Variants in SELENOI observed in about 807,000 individuals in gnomAD.
SELENOI encodes selenoprotein I, also known as ethanolaminephosphotransferase 1.
In SELENOI, 24 loss-of-function variants were observed where a neutral mutation model predicts 50.7. That is an observed-to-expected ratio of 0.47 (90% CI 0.34 to 0.67). The LOEUF is 0.67. Ranked by LOEUF, SELENOI falls within the 30% of genes least tolerant of loss-of-function variation. The pLI, the probability that SELENOI is intolerant of heterozygous loss-of-function variation, is 0.01. For missense variants in SELENOI, 352 were observed against 461.4 expected (o/e 0.76, Z 2.17); for synonymous variants, 155 against 170.2 (o/e 0.91, Z 0.70).
intron 6 of SELENOI, among the ~76,000 whole-genome samples, chr2:26,379,971 G>GT (rs971682861): frequency 2.6e-5 from 4 of 152,044 alleles, no homozygotes; most frequent in African/African-American, 9.7e-5. Context: ...TTAAGATTTT[G>GT]TTTTTTTGCA....
At chr2:26,371,715 G>A (rs950173407) in intron 4 of SELENOI, among the ~76,000 whole-genome samples, 76 of 152,384 alleles carry the variant, frequency 5.0e-4, no homozygotes, top group Admixed American at 4.9e-3. Flanking sequence ...ACGAAAACCA[G>A]TCAGGCGTGG....
At chr2:26,351,284 C>T (rs564042620) in intron 1 of SELENOI, among the ~76,000 whole-genome samples, 8 of 152,144 alleles carry the variant, frequency 5.3e-5, no homozygotes, top group East Asian at 1.9e-4. Flanking sequence ...TCTTGAACTT[C>T]GGACCTCAGG....
In SELENOI at chr2:26,346,201, CT is replaced by C; in HGVS notation, c.-31del. 1.9e-6 allele frequency: 3 copies of C among 1,613,534 alleles called. No homozygotes were observed. The highest frequency in any genetic ancestry group is 2.5e-6 in the Non-Finnish European group (3 of 1,179,646). ...GTCACAGCCTTGTAGCCGGGAGTCG[CT>C]GCCGAGTGGGCGCTCAGTTTTCGGG... is the stretch of plus-strand genomic sequence containing the variant. On this transcript the variant is annotated 5_prime_UTR_variant, in exon 1 of 10. Transcript: ENST00000260585.
In SELENOI at chr2:26,373,303, A is replaced by G. The variant is rs983136481; in HGVS notation, c.311-64A>G. On this transcript the variant is annotated intron_variant, in intron 4 of 9. Transcript: ENST00000260585. ...GTTTTGTTTTTTCCTCCAGTTTATT[A>G]AAGAAGACTTTCTCCATCCTGGTGC... is the stretch of plus-strand genomic sequence containing the variant. 58 of 1,524,366 alleles carry G rather than the reference A, an allele frequency of 3.8e-5. No individual in the cohort carries two copies. The African/African-American group carries it at 6.7e-4, about 18-fold the overall frequency. 94.4% of individuals were successfully genotyped at this position (1,524,366 alleles called of 1,614,324 possible). A position where few individuals can be genotyped will look rare whatever the true frequency, so the allele number is the denominator to read the frequency against.
chr2:26,353,021 C>T (rs1463982625), intron 1 of SELENOI, among the ~76,000 whole-genome samples: 1 of 152,096 alleles, frequency 6.6e-6, no homozygotes, highest in Non-Finnish European at 1.5e-5. Flanking sequence ...TGCTAGATCC[C>T]TGTGATCCTT....
Position 26,366,696 on chromosome 2 carries a change from T to C in SELENOI, c.236-450T>C, listed in dbSNP as rs115626421. On this transcript the variant is annotated intron_variant, in intron 3 of 9. Transcript: ENST00000260585. Reference sequence around the variant, plus strand: ...GATTCTGATGCCCAAATCATTCAGTTGAGGTGATCTATCTATACCCAAATC... The same window carrying C: ...GATTCTGATGCCCAAATCATTCAGTCGAGGTGATCTATCTATACCCAAATC... Among the ~76,000 whole-genome samples, 1,240 of 152,320 alleles carry C rather than the reference T, an allele frequency of 8.1e-3. 16 individuals are homozygous for C. The highest frequency in any genetic ancestry group is 0.028 in the African/African-American group (1,182 of 41,564).
At position 26,385,147 on chromosome 2, in the gene SELENOI, T is replaced by A. The variant is rs1677812832; in HGVS notation, c.912+8T>A. 4 of 1,466,308 alleles carry A rather than the reference T, an allele frequency of 2.7e-6. No homozygotes were observed. Among genetic ancestry groups the A allele is most frequent in the Non-Finnish European group, 3.6e-6 (4 of 1,102,350 alleles). 90.8% of individuals were successfully genotyped at this position (1,466,308 alleles called of 1,614,324 possible). ...GCTTTTGCCAACAGTACAGTAAGAT[T>A]TTTTTCTTTTAAAAATCATAATATA... On this transcript the variant is annotated splice_region_variant and intron_variant, in intron 8 of 9. Transcript: ENST00000260585.
At chr2:26,346,362 C>G (rs1676755793) in intron 1 of SELENOI, 73 bp downstream of exon 1, 2 of 1,495,110 alleles carry the variant, frequency 1.3e-6, no homozygotes, top group African/African-American at 2.8e-5. Context: ...CCGCGCGGCG[C>G]GGTCCGTGTC....
In SELENOI at chr2:26,367,193, A is replaced by T. The variant is rs941161481; in HGVS notation, c.283A>T (p.Ile95Phe). The T allele has an allele frequency of 2.5e-6, 4 of 1,610,786 alleles. No homozygotes were observed. The South Asian group carries it at 4.4e-5, about 18-fold the overall frequency. ...TGACTGGGTTTGGATTGTAGTGGGC[A>T]TCCTCAACTTCGTAGCCTACACTCT... is the stretch of plus-strand genomic sequence containing the variant. ...VPDWVWIVVG[I>F]LNFVAYTLDG... The change falls in exon 4 of 10, where the codon ATC (isoleucine) becomes TTC (phenylalanine). Residue 95 changes from isoleucine (I) to phenylalanine (F), a missense_variant. By Grantham distance (21) the Ile-to-Phe change is conservative. Transcript: ENST00000260585.
rs1330051719 is a variant in SELENOI at position 26,390,172 on chromosome 2, C to T, written c.*1069C>T. On this transcript the variant is annotated 3_prime_UTR_variant, in exon 10 of 10. Transcript: ENST00000260585. ...ATATATATGCCTTACTGAGTACATGCCCCCTTTAATGTTAACATGACTTGG... is the reference window on the plus strand; with the variant it reads ...ATATATATGCCTTACTGAGTACATGTCCCCTTTAATGTTAACATGACTTGG... 7 of 150,796 alleles carry T rather than the reference C, an allele frequency of 4.6e-5. No individual in the cohort carries two copies. Among genetic ancestry groups the T allele is most frequent in the African/African-American group, 1.5e-4 (6 of 40,668 alleles). 9.3% of individuals were successfully genotyped at this position (150,796 alleles called of 1,614,324 possible). A position where few individuals can be genotyped will look rare whatever the true frequency, so the allele number is the denominator to read the frequency against.
At chr2:26,387,297 T>C (rs568669166) in intron 9 of SELENOI, among the ~76,000 whole-genome samples, 137 of 152,308 alleles carry the variant, frequency 9.0e-4, no homozygotes, top group African/African-American at 3.1e-3. Flanking sequence ...ATTTTTAACA[T>C]AGGCTGTGCA....
At chr2:26,385,508 A>T (rs915132578) in intron 8 of SELENOI, among the ~76,000 whole-genome samples, 13 of 152,222 alleles carry the variant, frequency 8.5e-5, no homozygotes, top group Admixed American at 7.2e-4. Flanking sequence ...CTTGGAAGAG[A>T]TTTTTGAGAA....
chr2:26,395,297 C>T lies in SELENOI; in HGVS notation c.*6194C>T, dbSNP rs946502859. On this transcript the variant is annotated 3_prime_UTR_variant, in exon 10 of 10. Transcript: ENST00000260585. ...GCATGTGGCCCTTACTCTGAAGCCT[C>T]TTCCTGATCTGGAGCCACAGTCTGT... The T allele has an allele frequency of 1.3e-5, 2 of 152,216 alleles. No individual in the cohort carries two copies. The highest frequency in any genetic ancestry group is 4.8e-5 in the African/African-American group (2 of 41,448). The allele number at this position is 152,216 out of a possible 1,614,324, so 9.4% of individuals were successfully genotyped here.
intron 6 of SELENOI, among the ~76,000 whole-genome samples, chr2:26,379,214 A>G (rs1233488713): frequency 6.6e-6 from 1 of 152,214 alleles, no homozygotes; most frequent in African/African-American, 2.4e-5. Context: ...CAGTGAGTCA[A>G]GATTGCACCA....
chr2:26,384,223 T>C (rs940215583), intron 7 of SELENOI, among the ~76,000 whole-genome samples: 1 of 152,232 alleles, frequency 6.6e-6, no homozygotes, highest in Non-Finnish European at 1.5e-5. Flanking sequence ...CAGAATCTTA[T>C]TTATGTTAAA....
intron 6 of SELENOI, 128 bp downstream of exon 6, chr2:26,375,276 C>T (rs1677543359): frequency 1.8e-6 from 1 of 564,060 alleles, no homozygotes; most frequent in Non-Finnish European, 3.1e-6. Context: ...AACCCTACAA[C>T]CTTGTAGGAT....
chr2:26,346,327 G>A (rs1258578807), intron 1 of SELENOI, 38 bp downstream of exon 1: 3 of 1,589,198 alleles, frequency 1.9e-6, no homozygotes, highest in Non-Finnish European at 2.6e-6. Context: ...CCCTGCTCCC[G>A]GCCTCGCCCA....
rs80042903 is a variant in SELENOI at position 26,363,516 on chromosome 2, C to T, written c.58-786C>T. Among the ~76,000 whole-genome samples the T allele has an allele frequency of 5.3e-3, 808 of 152,164 alleles. 33 individuals are homozygous for T. The South Asian group carries it at 0.082, about 15-fold the overall frequency. ...AATAAAAATTTCTCTACTGAAACACCATAATGTAAAAGCTGATTGAGAGTG... is the reference window on the plus strand; with the variant it reads ...AATAAAAATTTCTCTACTGAAACACTATAATGTAAAAGCTGATTGAGAGTG... On this transcript the variant is annotated intron_variant, in intron 1 of 9. Coordinates refer to ENST00000260585, the MANE Select transcript of SELENOI (RefSeq NM_033505.4).
chr2:26,367,099 C>A, intron 3 of SELENOI, 47 bp from the exon 4 acceptor site: 3 of 1,513,106 alleles, frequency 2.0e-6, no homozygotes, highest in Non-Finnish European at 2.7e-6. Context: ...ATGGTAAGAA[C>A]TACTGTACTT....
Sources: allele counts gnomAD v4.1 joint callset (sites outside exome capture counted in the v4.1 genomes callset), GRCh38; gene constraint gnomAD v4.1.1; transcripts MANE v1.5; gene names NCBI Gene and HGNC (gene_info 2026-07-23, HGNC 2026-07-21).